Variants in DNER observed in about 807,000 individuals in gnomAD.
The protein encoded by DNER is delta and Notch-like epidermal growth factor-related receptor.
DNER carries 33 observed loss-of-function variants against 78.2 expected under a neutral mutation model. The observed-to-expected ratio is 0.42, with a 90% CI of 0.32 to 0.56. The LOEUF (loss-of-function observed/expected upper bound fraction) is 0.56, where lower values mean the gene tolerates loss of function less well. Ranked by LOEUF, DNER falls within the 20% of genes least tolerant of loss-of-function variation. The pLI, the probability that DNER is intolerant of heterozygous loss-of-function variation, is 0.11. For synonymous variants in DNER, 417 were observed against 384.8 expected (o/e 1.08, Z -0.98); for missense variants, 918 against 975.3 (o/e 0.94, Z 0.78).
In DNER at chr2:229,546,217, T is replaced by C. The variant is rs114977662; in HGVS notation, c.993+730A>G. On this transcript the variant is annotated intron_variant, in intron 5 of 12. Transcript: ENST00000341772. ...TTTTCTTCCCTTCCACTCTTGCTAA[T>C]GTATACAGTGCACTTTCCCCATCCC... 7.3e-3 allele frequency among the ~76,000 whole-genome samples: 1,116 copies of C among 152,354 alleles called. 15 individuals carry two copies. The highest frequency in any genetic ancestry group is 0.025 in the African/African-American group (1,057 of 41,582).
At chr2:229,681,478 A>C (rs1041704839) in intron 1 of DNER, among the ~76,000 whole-genome samples, 11 of 152,308 alleles carry the variant, frequency 7.2e-5, no homozygotes, top group African/African-American at 2.6e-4. Context: ...TATGCTCAAA[A>C]TAAGGAGTTT....
At chr2:229,574,775 C>G (rs1255261061) in intron 4 of DNER, among the ~76,000 whole-genome samples, 1 of 152,160 alleles carries the variant, frequency 6.6e-6, no homozygotes, top group Non-Finnish European at 1.5e-5. Flanking sequence ...GAAATTCTCT[C>G]TCTTTCCTGC....
intron 6 of DNER, among the ~76,000 whole-genome samples, chr2:229,507,205 G>C (rs1695761761): frequency 6.6e-6 from 1 of 152,152 alleles, no homozygotes; most frequent in Non-Finnish European, 1.5e-5. Context: ...ACATAGAAAA[G>C]TTACCATCAA....
At chr2:229,375,505 A>T (rs757452649) in intron 11 of DNER, among the ~76,000 whole-genome samples, 1 of 152,212 alleles carries the variant, frequency 6.6e-6, no homozygotes, top group Non-Finnish European at 1.5e-5. Flanking sequence ...GAGAGGATGC[A>T]TTCCTGGTGT....
At chr2:229,569,598 T>G (rs894573736) in intron 4 of DNER, among the ~76,000 whole-genome samples, 1 of 152,220 alleles carries the variant, frequency 6.6e-6, no homozygotes, top group African/African-American at 2.4e-5. Flanking sequence ...TATGCACATC[T>G]GCACATCTTC....
intron 7 of DNER, among the ~76,000 whole-genome samples, chr2:229,459,491 A>G (rs940770264): frequency 2.0e-5 from 3 of 152,096 alleles, no homozygotes; most frequent in African/African-American, 7.3e-5. Flanking sequence ...AGCAATTGGT[A>G]TCTATTCTTT....
chr2:229,388,427 C>G (rs1350453967), intron 10 of DNER, 31 bp from the exon 11 acceptor site: 1 of 1,570,796 alleles, frequency 6.4e-7, no homozygotes, highest in Non-Finnish European at 8.6e-7. Context: ...AGTGGTGAAA[C>G]CGCTGCACCC....
chr2:229,659,359 T>C (rs889309446), intron 1 of DNER, among the ~76,000 whole-genome samples: 3 of 152,168 alleles, frequency 2.0e-5, no homozygotes, highest in Non-Finnish European at 2.9e-5. Flanking sequence ...CTCCATTCAC[T>C]AGCAAGCAAG....
intron 4 of DNER, among the ~76,000 whole-genome samples, chr2:229,583,092 A>C (rs2154214363): frequency 6.6e-6 from 1 of 152,328 alleles, no homozygotes; most frequent in South Asian, 2.1e-4. Flanking sequence ...AATTTACATT[A>C]ATACTGGAAA....
At chr2:229,552,227 G>A (rs1162206828) in intron 4 of DNER, among the ~76,000 whole-genome samples, 7 of 152,168 alleles carry the variant, frequency 4.6e-5, no homozygotes, top group Non-Finnish European at 1.0e-4. Context: ...AGTGAACCTC[G>A]CAGCCATGAT....
chr2:229,405,771 A>T (rs1051197092), intron 10 of DNER, among the ~76,000 whole-genome samples: 6 of 152,206 alleles, frequency 3.9e-5, no homozygotes, highest in Non-Finnish European at 8.8e-5. Flanking sequence ...TCAAAATCTT[A>T]ATAACAGTTA....
At chr2:229,669,935 G>C (rs1329100951) in intron 1 of DNER, among the ~76,000 whole-genome samples, 2 of 152,170 alleles carry the variant, frequency 1.3e-5, no homozygotes, top group African/African-American at 4.8e-5. Flanking sequence ...CCATTCCAGA[G>C]TGGTTATAAT....
chr2:229,369,914 A>G (rs1299311695), intron 11 of DNER, among the ~76,000 whole-genome samples: 1 of 152,136 alleles, frequency 6.6e-6, no homozygotes, highest in Admixed American at 6.6e-5. Flanking sequence ...CACCACCACC[A>G]TTCCACACTT....
intron 10 of DNER, among the ~76,000 whole-genome samples, chr2:229,406,627 T>C (rs1388548777): frequency 6.6e-6 from 1 of 152,122 alleles, no homozygotes; most frequent in African/African-American, 2.4e-5. Context: ...ACAAACCACA[T>C]TTCACATCTG....
In DNER at chr2:229,526,818, T is replaced by C. The variant is rs13432711; in HGVS notation, c.994-13882A>G. On this transcript the variant is annotated intron_variant, in intron 5 of 12. Transcript: ENST00000341772. ...GAGCTTCTGTGTCCCCATCTGATGATGGGGATGGTGAAAATGTCTGTCACA... is the reference window on the plus strand; with the variant it reads ...GAGCTTCTGTGTCCCCATCTGATGACGGGGATGGTGAAAATGTCTGTCACA... 9.3e-3 allele frequency among the ~76,000 whole-genome samples: 1,408 copies of C among 152,202 alleles called. 27 individuals carry two copies. The highest frequency in any genetic ancestry group is 0.032 in the African/African-American group (1,342 of 41,526).
intron 1 of DNER, among the ~76,000 whole-genome samples, chr2:229,620,886 C>T (rs761598522): frequency 3.3e-5 from 5 of 152,052 alleles, no homozygotes; most frequent in Non-Finnish European, 5.9e-5. Flanking sequence ...GAGGAGAGGC[C>T]GTATGAGGAC....
rs1233718119 is a variant in DNER at position 229,547,455 on chromosome 2, T to C, written c.848-363A>G. Reference sequence around the variant, plus strand: ...CTGTGCTGGCGTCTTAGAATTCAGTTTCTGCTTTGGAACCCCAGTCTTCTA... The same window carrying C: ...CTGTGCTGGCGTCTTAGAATTCAGTCTCTGCTTTGGAACCCCAGTCTTCTA... On this transcript the variant is annotated intron_variant, in intron 4 of 12. Transcript: ENST00000341772. 2.0e-5 allele frequency among the ~76,000 whole-genome samples: 3 copies of C among 152,190 alleles called. No individual in the cohort carries two copies. The East Asian group carries it at 5.8e-4, about 29-fold the overall frequency.
intron 1 of DNER, among the ~76,000 whole-genome samples, chr2:229,614,296 G>A (rs1698111669): frequency 6.6e-6 from 1 of 152,126 alleles, no homozygotes; most frequent in South Asian, 2.1e-4. Flanking sequence ...TTAGGAGTAA[G>A]GCAAAAGTAA....
intron 1 of DNER, among the ~76,000 whole-genome samples, chr2:229,680,374 T>A (rs1236017810): frequency 2.6e-5 from 4 of 152,230 alleles, no homozygotes; most frequent in Non-Finnish European, 5.9e-5. Flanking sequence ...CAACTCTTAA[T>A]TGGACCATGG....
Sources: gnomAD v4.1 joint callset for allele counts (sites outside exome capture counted in the v4.1 genomes callset) on GRCh38, gnomAD v4.1.1 for gene constraint, MANE v1.5 for transcripts, NCBI Gene and HGNC (gene_info 2026-07-23, HGNC 2026-07-21) for gene names.